Variants in ARHGEF28 observed in about 807,000 individuals in gnomAD.
ARHGEF28 encodes the protein 190 kDa guanine nucleotide exchange factor.
A neutral mutation model predicts 206.6 loss-of-function variants in ARHGEF28; 152 were observed. The observed-to-expected ratio is 0.74, with a 90% CI of 0.64 to 0.84. The LOEUF (loss-of-function observed/expected upper bound fraction) is 0.84. ARHGEF28 is among the 40% of genes least tolerant of loss of function. The pLI is 0.00. For synonymous variants in ARHGEF28, 763 were observed against 776.4 expected, an observed-to-expected ratio of 0.98 and a Z score of 0.29; for missense variants, 2,028 against 2,073.2, an observed-to-expected ratio of 0.98 and a Z score of 0.42.
chr5:73,628,138 T>C (rs1411507017), intron 1 of ARHGEF28, among the ~76,000 whole-genome samples: 2 of 152,216 alleles, frequency 1.3e-5, no homozygotes, highest in Admixed American at 6.5e-5. Flanking sequence ...TTGGAATGTT[T>C]TCTTATTGTG....
intron 9 of ARHGEF28, among the ~76,000 whole-genome samples, chr5:73,823,523 T>C (rs899289624): frequency 2.6e-5 from 4 of 152,198 alleles, no homozygotes. Flanking sequence ...ATCTTTTAGG[T>C]CTTTGAGTCT....
intron 9 of ARHGEF28, among the ~76,000 whole-genome samples, chr5:73,816,523 A>G (rs6868665): frequency 0.64 from 96,670 of 152,028 alleles, 31,053 homozygotes; most frequent in East Asian, 0.79. Flanking sequence ...AATGTCTGAT[A>G]TGCTCTCTTG....
At chr5:73,706,002 A>C (rs1238039656) in intron 2 of ARHGEF28, among the ~76,000 whole-genome samples, 3 of 152,200 alleles carry the variant, frequency 2.0e-5, no homozygotes, top group Non-Finnish European at 4.4e-5. Flanking sequence ...CACTTAGCTG[A>C]ACTCTGGTGG....
intron 24 of ARHGEF28, 133 bp downstream of exon 24, chr5:73,884,017 C>T (rs189534063): frequency 1.8e-4 from 83 of 463,338 alleles, no homozygotes; most frequent in East Asian, 1.4e-3. Flanking sequence ...ACTGTTAAAG[C>T]CTTAGAATTT....
At chr5:73,690,885 A>G (rs185364725) in intron 2 of ARHGEF28, among the ~76,000 whole-genome samples, 9 of 152,198 alleles carry the variant, frequency 5.9e-5, no homozygotes, top group Non-Finnish European at 8.8e-5. Flanking sequence ...TATAAAGAAT[A>G]TAATAGTAAG....
intron 35 of ARHGEF28, among the ~76,000 whole-genome samples, chr5:73,935,341 A>G (rs1040383784): frequency 6.6e-6 from 1 of 152,206 alleles, no homozygotes; most frequent in African/African-American, 2.4e-5. Flanking sequence ...AAGAATAGAA[A>G]AGGGAATTAT....
In ARHGEF28 at chr5:73,749,987, G is replaced by GACAACAA; in HGVS notation, c.181+4_181+5insCAACAAA. 1 of 1,613,678 alleles carries GACAACAA rather than the reference G, an allele frequency of 6.2e-7. No homozygotes were observed. Among genetic ancestry groups the GACAACAA allele is most frequent in the Non-Finnish European group, 8.5e-7 (1 of 1,179,806 alleles). ...CGTTCTCCAGTCCAGCGTCCCAGGT[G>GACAACAA]AGGTGTCCTCTTTGTTGTGCAGCTG... On this transcript the variant is annotated splice_donor_region_variant and intron_variant, in intron 3 of 35. Coordinates refer to ENST00000513042, the MANE Select transcript of ARHGEF28 (RefSeq NM_001177693.2).
rs386404110 is a variant in ARHGEF28 at position 73,932,800 on chromosome 5, C to CTTTTTTTTTT, written c.4949-8027_4949-8018dup. Among the ~76,000 whole-genome samples the CTTTTTTTTTT allele has an allele frequency of 5.0e-4, 37 of 73,436 alleles. 4 individuals are homozygous for CTTTTTTTTTT. Among genetic ancestry groups the CTTTTTTTTTT allele is most frequent in the African/African-American group, 1.3e-3 (24 of 17,936 alleles). 48.2% of individuals were successfully genotyped at this position (73,436 alleles called of 152,430 possible). On this transcript the variant is annotated intron_variant, in intron 35 of 35. Transcript: ENST00000513042. Reference sequence around the variant, plus strand: ...GTTATACTACTTTTATTTCCTATTTCTTTTTTTTTTTTTTTTTTTTTTTTT... The same window carrying CTTTTTTTTTT: ...GTTATACTACTTTTATTTCCTATTTCTTTTTTTTTTTTTTTTTTTTTTTTTTTTTTTTTTT...
intron 1 of ARHGEF28, among the ~76,000 whole-genome samples, chr5:73,633,638 G>A (rs185247778): frequency 5.2e-4 from 73 of 139,506 alleles, no homozygotes; most frequent in Admixed American, 2.5e-3. Flanking sequence ...GTGCAGTGGT[G>A]TGATCTCAGC....
At chr5:73,882,043 G>A (rs1273712184) in intron 22 of ARHGEF28, among the ~76,000 whole-genome samples, 1 of 151,330 alleles carries the variant, frequency 6.6e-6, no homozygotes, top group South Asian at 2.1e-4. Context: ...ATTTTTTTGG[G>A]GGGGAGGTTA....
chr5:73,626,565 T>C (rs1468280273), intron 1 of ARHGEF28, among the ~76,000 whole-genome samples: 1 of 151,750 alleles, frequency 6.6e-6, no homozygotes, highest in African/African-American at 2.4e-5. Context: ...CGGCGGCAGC[T>C]GCGGAGCGCG....
intron 23 of ARHGEF28, among the ~76,000 whole-genome samples, chr5:73,882,874 T>G (rs935410114): frequency 2.0e-5 from 3 of 152,164 alleles, no homozygotes; most frequent in African/African-American, 7.2e-5. Flanking sequence ...CCAAGTTATA[T>G]ATCAGAAAAA....
intron 35 of ARHGEF28, among the ~76,000 whole-genome samples, chr5:73,924,146 T>C (rs533242061): frequency 1.3e-5 from 2 of 152,330 alleles, no homozygotes; most frequent in African/African-American, 4.8e-5. Context: ...ACTTTTCCAA[T>C]GTAATGAGCC....
chr5:73,774,084 G>C, intron 5 of ARHGEF28, 46 bp downstream of exon 5: 1 of 1,485,374 alleles, frequency 6.7e-7, no homozygotes, highest in Non-Finnish European at 9.0e-7. Context: ...GTATAAAGTC[G>C]GCCAAGCATT....
intron 2 of ARHGEF28, among the ~76,000 whole-genome samples, chr5:73,688,598 A>G (rs920926393): frequency 1.8e-4 from 28 of 152,202 alleles, no homozygotes; most frequent in Non-Finnish European, 3.1e-4. Flanking sequence ...TCTAGACAGA[A>G]CAACTAATAT....
chr5:73,805,192 T>C (rs1433689533), intron 9 of ARHGEF28, among the ~76,000 whole-genome samples: 1 of 152,192 alleles, frequency 6.6e-6, no homozygotes, highest in Non-Finnish European at 1.5e-5. Flanking sequence ...CAACATTGTA[T>C]ATATCTTTTT....
intron 2 of ARHGEF28, among the ~76,000 whole-genome samples, chr5:73,694,328 C>T (rs995682496): frequency 5.3e-5 from 8 of 152,124 alleles, no homozygotes; most frequent in African/African-American, 7.2e-5. Context: ...GTTTCAGGTC[C>T]GTGGGTAAGT....
At chr5:73,899,147 G>GC in intron 30 of ARHGEF28, 1 of 151,780 alleles carries the variant, frequency 6.6e-6, no homozygotes, top group East Asian at 1.9e-4. Context: ...TTCAGAATGC[G>GC]CACGTATGTT....
intron 5 of ARHGEF28, among the ~76,000 whole-genome samples, chr5:73,775,362 T>A (rs1183088001): frequency 1.3e-5 from 2 of 152,318 alleles, no homozygotes; most frequent in East Asian, 3.9e-4. Context: ...TATTCTAAAT[T>A]AACAACAGTG....
Sources: gnomAD v4.1 joint callset for allele counts (sites outside exome capture counted in the v4.1 genomes callset) on GRCh38, gnomAD v4.1.1 for gene constraint, MANE v1.5 for transcripts, NCBI Gene and HGNC (gene_info 2026-07-23, HGNC 2026-07-21) for gene names.